The following STXBP5L variants were observed in gnomAD, a reference collection of about 807,000 sequenced individuals.
The protein encoded by STXBP5L is syntaxin-binding protein 5-like.
Under a neutral mutation model 144.5 loss-of-function variants are expected in STXBP5L, and 65 were observed. That is an observed-to-expected ratio of 0.45 (90% CI 0.37 to 0.55). STXBP5L has a LOEUF of 0.55. STXBP5L is among the 20% of genes least tolerant of loss of function. The pLI, the probability that STXBP5L is intolerant of heterozygous loss-of-function variation, is 0.00. For missense variants in STXBP5L, 1,298 were observed against 1,405.5 expected, an observed-to-expected ratio of 0.92 and a Z score of 1.22; for synonymous variants, 505 against 469.6, an observed-to-expected ratio of 1.08 and a Z score of -0.97.
chr3:121,348,592 T>A (rs1194204354), intron 20 of STXBP5L, among the ~76,000 whole-genome samples: 2 of 152,070 alleles, frequency 1.3e-5, no homozygotes, highest in Non-Finnish European at 2.9e-5. Flanking sequence ...GGTCCTAGAC[T>A]TTTTTTGGTT....
At chr3:121,389,174 G>A (rs1012280855) in intron 22 of STXBP5L, among the ~76,000 whole-genome samples, 1 of 152,196 alleles carries the variant, frequency 6.6e-6, no homozygotes, top group Non-Finnish European at 1.5e-5. Flanking sequence ...TAGTTTATTT[G>A]CGTAGAGGTG....
chr3:121,210,050 A>G (rs2108249424), intron 10 of STXBP5L, among the ~76,000 whole-genome samples: 1 of 152,324 alleles, frequency 6.6e-6, no homozygotes, highest in Non-Finnish European at 1.5e-5. Context: ...AGTCCCACCA[A>G]CAGTGTAAAA....
chr3:121,085,513 G>T (rs766080338), intron 5 of STXBP5L, among the ~76,000 whole-genome samples: 1 of 151,964 alleles, frequency 6.6e-6, no homozygotes, highest in Non-Finnish European at 1.5e-5. Flanking sequence ...AAAATCACAG[G>T]GATTCATATA....
At chr3:121,044,094 C>T (rs1047561726) in intron 4 of STXBP5L, among the ~76,000 whole-genome samples, 2 of 152,026 alleles carry the variant, frequency 1.3e-5, no homozygotes, top group South Asian at 2.1e-4. Context: ...ATATAGAATA[C>T]CTCCTATTTC....
intron 2 of STXBP5L, among the ~76,000 whole-genome samples, chr3:120,932,852 G>T (rs1576439949): frequency 6.6e-6 from 1 of 152,022 alleles, no homozygotes; most frequent in Admixed American, 6.6e-5. Context: ...ATACACCATG[G>T]AATACTATGC....
chr3:120,927,060 C>T (rs761213709), intron 2 of STXBP5L, among the ~76,000 whole-genome samples: 16 of 151,894 alleles, frequency 1.1e-4, no homozygotes, highest in South Asian at 8.3e-4. Context: ...CTCAGCCTCC[C>T]GAGTATCTAG....
At chr3:120,983,810 G>T (rs1167251807) in intron 3 of STXBP5L, among the ~76,000 whole-genome samples, 1 of 152,080 alleles carries the variant, frequency 6.6e-6, no homozygotes, top group Non-Finnish European at 1.5e-5. Context: ...TGTGATTCTT[G>T]TCACTTCTCT....
At position 121,381,278 on chromosome 3, in the gene STXBP5L, T is replaced by A. The variant is rs200825043; in HGVS notation, c.2348-15T>A. ...ACTAACAATTTGTGTGGTTTTTTTT[T>A]ATTTATTTCCATAGAAAACCGAGAA... On this transcript the variant is annotated splice_polypyrimidine_tract_variant and intron_variant, in intron 21 of 26. Coordinates refer to ENST00000471454, the MANE Select transcript of STXBP5L (RefSeq NM_001308330.2). The A allele has an allele frequency of 5.5e-3, 8,368 of 1,517,454 alleles. 37 individuals are homozygous for A. The highest frequency in any genetic ancestry group is 6.6e-3 in the Non-Finnish European group (7,400 of 1,116,218). The allele number at this position is 1,517,454 out of a possible 1,614,324, so 94.0% of individuals were successfully genotyped here.
intron 3 of STXBP5L, among the ~76,000 whole-genome samples, chr3:120,992,671 A>G (rs1420465044): frequency 6.6e-6 from 1 of 152,120 alleles, no homozygotes; most frequent in Non-Finnish European, 1.5e-5. Flanking sequence ...TTCATTTTGT[A>G]TATATACCAC....
intron 20 of STXBP5L, among the ~76,000 whole-genome samples, chr3:121,329,947 T>C (rs542626625): frequency 6.6e-6 from 1 of 152,340 alleles, no homozygotes; most frequent in East Asian, 1.9e-4. Context: ...TTATTTAATG[T>C]AAGACAATTG....
intron 9 of STXBP5L, among the ~76,000 whole-genome samples, chr3:121,159,754 C>G (rs1044982248): frequency 1.3e-5 from 2 of 151,738 alleles, no homozygotes; most frequent in East Asian, 1.9e-4. Context: ...CTCAGCCTCC[C>G]GAGTAGCTGG....
intron 3 of STXBP5L, among the ~76,000 whole-genome samples, chr3:121,002,365 T>G (rs1201253456): frequency 1.3e-5 from 2 of 152,194 alleles, no homozygotes; most frequent in Non-Finnish European, 2.9e-5. Context: ...TTGGAAAATA[T>G]CTATTCAGGT....
intron 5 of STXBP5L, among the ~76,000 whole-genome samples, chr3:121,085,922 C>T (rs911589531): frequency 6.6e-6 from 1 of 152,100 alleles, no homozygotes; most frequent in East Asian, 1.9e-4. Flanking sequence ...TCAAACTATA[C>T]CACAAGGCTA....
chr3:121,082,097 G>A (rs1221420679), intron 5 of STXBP5L, among the ~76,000 whole-genome samples: 1 of 151,734 alleles, frequency 6.6e-6, no homozygotes, highest in Non-Finnish European at 1.5e-5. Context: ...AGTTACTCTA[G>A]TTCCTATGGC....
intron 5 of STXBP5L, among the ~76,000 whole-genome samples, chr3:121,095,491 ACT>A (rs1164291982): frequency 1.3e-5 from 2 of 151,074 alleles, no homozygotes; most frequent in Non-Finnish European, 1.5e-5. Context: ...ATTTCTTTTT[ACT>A]CTTTTTTCTC....
chr3:121,006,426 T>C (rs369753238), intron 3 of STXBP5L, among the ~76,000 whole-genome samples: 1 of 152,172 alleles, frequency 6.6e-6, no homozygotes, highest in East Asian at 1.9e-4. Context: ...TCCATCCCTT[T>C]ATTTTGAGCC....
At chr3:120,938,785 C>A (rs1353424167) in intron 2 of STXBP5L, among the ~76,000 whole-genome samples, 3 of 151,958 alleles carry the variant, frequency 2.0e-5, no homozygotes, top group African/African-American at 7.2e-5. Flanking sequence ...CTTTCTTTTT[C>A]TTTTTTCTTC....
intron 22 of STXBP5L, among the ~76,000 whole-genome samples, chr3:121,397,899 G>A (rs551375812): frequency 6.6e-6 from 1 of 152,218 alleles, no homozygotes; most frequent in East Asian, 1.9e-4. Context: ...TGGCCACGCA[G>A]ACAGCCAGTG....
intron 2 of STXBP5L, chr3:120,924,880 T>G (rs1409669265): frequency 6.6e-6 from 1 of 152,220 alleles, no homozygotes; most frequent in Non-Finnish European, 1.5e-5. Context: ...CTGGCTAATT[T>G]TTTGTATTTT....
Sources: gnomAD v4.1 joint callset for allele counts (sites outside exome capture counted in the v4.1 genomes callset) on GRCh38, gnomAD v4.1.1 for gene constraint, MANE v1.5 for transcripts, NCBI Gene and HGNC (gene_info 2026-07-23, HGNC 2026-07-21) for gene names.